The following PRKN variants were observed in gnomAD, a reference collection of about 807,000 sequenced individuals.
PRKN encodes the protein parkin RBR E3 ubiquitin protein ligase.
A neutral mutation model predicts 59.5 loss-of-function variants in PRKN; 56 were observed. The observed-to-expected ratio is 0.94, with a 90% confidence interval of 0.76 to 1.18. The LOEUF is 1.18. Among genes scored for constraint, PRKN ranks in the 50% most tolerant of loss-of-function variants. PRKN has a pLI of 0.00. For synonymous variants in PRKN, 250 were observed against 222.1 expected (o/e 1.13, Z -1.12); for missense variants, 657 against 596.4 (o/e 1.10, Z -1.06).
Position 161,584,533 on chromosome 6 carries a change from T to C in PRKN, c.872-15117A>G, listed in dbSNP as rs1781456700. ...GTTATTAGAAGAAAATCTTTTAACA[T>C]ATCCCCCTTACACTTGCCATCCAAA... On this transcript the variant is annotated intron_variant, in intron 7 of 11. Coordinates refer to ENST00000366898, the MANE Select transcript of PRKN (RefSeq NM_004562.3). The surrounding 1 kb of genome is among the most constrained non-coding windows in gnomAD (Gnocchi z 4.8). 6.6e-6 allele frequency among the ~76,000 whole-genome samples: 1 copy of C among 152,218 alleles called. No individual in the cohort carries two copies. The highest frequency in any genetic ancestry group is 1.5e-5 in the Non-Finnish European group (1 of 68,040).
At chr6:161,957,847 G>C (rs1780240564) in intron 6 of PRKN, among the ~76,000 whole-genome samples, 1 of 152,166 alleles carries the variant, frequency 6.6e-6, no homozygotes, top group East Asian at 1.9e-4. Flanking sequence ...GGCAGGTCCT[G>C]AGGAGTCTCC....
intron 6 of PRKN, among the ~76,000 whole-genome samples, chr6:161,809,634 A>T (rs1791480226): frequency 6.6e-6 from 1 of 152,216 alleles, no homozygotes; most frequent in African/African-American, 2.4e-5. Flanking sequence ...TCACTCATCA[A>T]TTTTTGAAAA....
At chr6:162,277,913 G>C (rs1780707506) in intron 2 of PRKN, among the ~76,000 whole-genome samples, 1 of 152,158 alleles carries the variant, frequency 6.6e-6, no homozygotes, top group South Asian at 2.1e-4. Flanking sequence ...AGCAATACCT[G>C]GAGTATTTAC....
chr6:162,291,318 T>C (rs1180004376), intron 2 of PRKN, among the ~76,000 whole-genome samples: 1 of 151,666 alleles, frequency 6.6e-6, no homozygotes, highest in African/African-American at 2.4e-5. Flanking sequence ...ACAGAAGAGA[T>C]TGCCTGGAAC....
chr6:162,103,036 C>CT (rs1207826941), intron 4 of PRKN, among the ~76,000 whole-genome samples: 1 of 135,292 alleles, frequency 7.4e-6, no homozygotes. Flanking sequence ...GAGCGAGACT[C>CT]TGTCTCAAAA....
intron 4 of PRKN, among the ~76,000 whole-genome samples, chr6:162,124,702 G>A (rs181410086): frequency 2.6e-5 from 4 of 152,180 alleles, no homozygotes; most frequent in East Asian, 1.9e-4. Context: ...AAAATGCCAC[G>A]GGATTAAAAA....
chr6:161,513,540 T>G (rs981111728), intron 9 of PRKN, among the ~76,000 whole-genome samples: 4 of 151,426 alleles, frequency 2.6e-5, no homozygotes, highest in African/African-American at 7.3e-5. Context: ...TTTTTTTTTT[T>G]GAAAGAGCCC....
At chr6:161,707,346 C>T (rs1160927963) in intron 7 of PRKN, among the ~76,000 whole-genome samples, 1 of 152,062 alleles carries the variant, frequency 6.6e-6, no homozygotes, top group African/African-American at 2.4e-5. Flanking sequence ...CATAATTGTG[C>T]GTTGAGGAAA....
At chr6:162,239,703 C>A (rs532782403) in intron 3 of PRKN, among the ~76,000 whole-genome samples, 2 of 152,046 alleles carry the variant, frequency 1.3e-5, no homozygotes, top group Non-Finnish European at 2.9e-5. Flanking sequence ...GCAGCCCATT[C>A]CCAGGCATTA....
At position 161,386,449 on chromosome 6, in the gene PRKN, T is replaced by C. The variant is rs556902164; in HGVS notation, c.1167+345A>G. On this transcript the variant is annotated intron_variant, in intron 10 of 11. Coordinates refer to ENST00000366898, the MANE Select transcript of PRKN (RefSeq NM_004562.3). This position sits in a 1 kb window ranked among gnomAD's most constrained non-coding sequence, Gnocchi z 4.3. ...ATTCTAAACTAGGGCATTAAAAACA[T>C]TGAAGTAGACTTAGTATGGATTTCT... Among the ~76,000 whole-genome samples, 2 of 152,330 alleles carry C rather than the reference T, an allele frequency of 1.3e-5. No homozygotes were observed. The highest frequency in any genetic ancestry group is 2.1e-4 in the South Asian group (1 of 4,830).
chr6:162,064,387 AG>A (rs34437948), intron 4 of PRKN, among the ~76,000 whole-genome samples: 57,623 of 151,950 alleles, frequency 0.38, 11,661 homozygotes, highest in Admixed American at 0.48. Flanking sequence ...CATTTTGTAG[AG>A]TGTAAATTGT....
At chr6:162,374,560 T>C (rs1244455926) in intron 2 of PRKN, among the ~76,000 whole-genome samples, 1 of 152,062 alleles carries the variant, frequency 6.6e-6, no homozygotes, top group African/African-American at 2.4e-5. Flanking sequence ...TATTTATTTA[T>C]TTATTCATTT....
intron 9 of PRKN, among the ~76,000 whole-genome samples, chr6:161,432,882 T>C (rs1370393485): frequency 1.3e-5 from 2 of 152,130 alleles, no homozygotes; most frequent in African/African-American, 4.8e-5. Context: ...TCTGAATGTA[T>C]TAAATGAAGG....
At position 161,468,262 on chromosome 6, in the gene PRKN, C is replaced by T. The variant is rs1399734279; in HGVS notation, c.1083+80592G>A. ...TGCTAGGATTACAGGCATGAGCCGCCATGCCCAGCCTCTTACCCTATACTT... is the reference window on the plus strand; with the variant it reads ...TGCTAGGATTACAGGCATGAGCCGCTATGCCCAGCCTCTTACCCTATACTT... On this transcript the variant is annotated intron_variant, in intron 9 of 11. Coordinates refer to ENST00000366898, the MANE Select transcript of PRKN (RefSeq NM_004562.3). The surrounding 1 kb of genome is among the most constrained non-coding windows in gnomAD (Gnocchi z 5.9). Among the ~76,000 whole-genome samples the T allele has an allele frequency of 6.6e-6, 1 of 152,072 alleles. No homozygotes were observed. Among genetic ancestry groups the T allele is most frequent in the Non-Finnish European group, 1.5e-5 (1 of 68,014 alleles).
intron 2 of PRKN, among the ~76,000 whole-genome samples, chr6:162,367,074 A>G (rs1478350779): frequency 2.6e-5 from 4 of 152,068 alleles, no homozygotes; most frequent in Non-Finnish European, 4.4e-5. Context: ...GAGGTAGTTG[A>G]ATCCTGAGGC....
intron 4 of PRKN, among the ~76,000 whole-genome samples, chr6:162,197,387 T>A (rs1784537752): frequency 6.6e-6 from 1 of 152,180 alleles, no homozygotes; most frequent in Non-Finnish European, 1.5e-5. Flanking sequence ...CTACACTAGA[T>A]CTAGTTACTG....
rs140552643 is a variant in PRKN at position 161,896,527 on chromosome 6, A to G, written c.734+76775T>C. 5.3e-3 allele frequency among the ~76,000 whole-genome samples: 808 copies of G among 152,298 alleles called. 8 individuals are homozygous for G. Among genetic ancestry groups the G allele is most frequent in the African/African-American group, 0.018 (767 of 41,554 alleles). ...CAAGCAACCTCAGTCAACGCCATATAGAGTAGAAACATCCCCTGACCTAGC... is the reference window on the plus strand; with the variant it reads ...CAAGCAACCTCAGTCAACGCCATATGGAGTAGAAACATCCCCTGACCTAGC... On this transcript the variant is annotated intron_variant, in intron 6 of 11. Coordinates refer to ENST00000366898, the MANE Select transcript of PRKN (RefSeq NM_004562.3).
At chr6:161,815,448 C>T (rs1267006304) in intron 6 of PRKN, among the ~76,000 whole-genome samples, 2 of 152,208 alleles carry the variant, frequency 1.3e-5, no homozygotes, top group Admixed American at 1.3e-4. Context: ...GTGGTTAACG[C>T]AGATCCTAAT....
At chr6:162,357,481 G>T (rs960161143) in intron 2 of PRKN, among the ~76,000 whole-genome samples, 20 of 152,176 alleles carry the variant, frequency 1.3e-4, no homozygotes, top group Non-Finnish European at 2.6e-4. Flanking sequence ...TCAGAACACT[G>T]AAAACAGCCA....
Sources: gnomAD v4.1 joint callset for allele counts (sites outside exome capture counted in the v4.1 genomes callset) on GRCh38, gnomAD v4.1.1 for gene constraint, Gnocchi (gnomAD v3.1) non-coding constraint, MANE v1.5 for transcripts, NCBI Gene and HGNC (gene_info 2026-07-23, HGNC 2026-07-21) for gene names.